RIC1: variants seen among roughly 807,000 people sequenced by gnomAD.
The protein encoded by RIC1 is RIC1 partner of RAB6A GEF complex, also known as guanine nucleotide exchange factor subunit RIC1.
In RIC1, 88 loss-of-function variants were observed where a neutral mutation model predicts 169.0. The observed-to-expected ratio is 0.52, with a 90% CI of 0.44 to 0.62. The LOEUF is 0.62. RIC1 is among the 20% of genes least tolerant of loss of function. The probability of loss-of-function intolerance (pLI) is 0.00; values close to 1 mark genes in which losing one functional copy is unlikely to be tolerated. For missense variants in RIC1, 1,877 were observed against 1,725.5 expected (o/e 1.09, Z -1.56); for synonymous variants, 790 against 601.5 (o/e 1.31, Z -4.59).
chr9:5,732,754 A>T (rs989638293), intron 7 of RIC1, among the ~76,000 whole-genome samples: 2 of 152,246 alleles, frequency 1.3e-5, no homozygotes, highest in African/African-American at 4.8e-5. Context: ...AGAATAAATC[A>T]GTTAAAGTTT....
chr9:5,717,557 C>T (rs947285151), intron 4 of RIC1, among the ~76,000 whole-genome samples: 1 of 152,120 alleles, frequency 6.6e-6, no homozygotes, highest in African/African-American at 2.4e-5. Context: ...AAGTTCAGTT[C>T]TTGCAGGCCA....
chr9:5,734,063 A>ATAAATATATATAATATATATTT lies in RIC1; in HGVS notation c.812+1597_812+1618dup, dbSNP rs1442311715. 8.2e-5 allele frequency among the ~76,000 whole-genome samples: 12 copies of ATAAATATATATAATATATATTT among 147,124 alleles called. No individual in the cohort carries two copies. The South Asian group carries it at 1.0e-3, about 13-fold the overall frequency. On this transcript the variant is annotated intron_variant, in intron 7 of 25. Coordinates refer to ENST00000414202, the MANE Select transcript of RIC1 (RefSeq NM_020829.4). ...TTTTAGATATATATATTTAAATATT[A>ATAAATATATATAATATATATTT]TAAATATATATAATATATATTTTAA...
At chr9:5,756,762 C>G (rs1044224471) in intron 16 of RIC1, among the ~76,000 whole-genome samples, 1 of 152,176 alleles carries the variant, frequency 6.6e-6, no homozygotes, top group African/African-American at 2.4e-5. Context: ...AGCAAACTGA[C>G]TTATATTTCC....
In RIC1 at chr9:5,684,043, C is replaced by T. The variant is rs181364450; in HGVS notation, c.253-5916C>T. ...ACTCGATTTTCCTGGTGCCGTCTGT[C>T]ACCCCTTTCTTTGACTAGGAAAGGG... On this transcript the variant is annotated intron_variant, in intron 2 of 25. Coordinates refer to ENST00000414202, the MANE Select transcript of RIC1 (RefSeq NM_020829.4). Among the ~76,000 whole-genome samples, 58 of 152,262 alleles carry T rather than the reference C, an allele frequency of 3.8e-4. 3 individuals are homozygous for T. Among genetic ancestry groups the T allele is most frequent in the Admixed American group, 3.5e-3 (53 of 15,290 alleles).
chr9:5,714,782 A>G (rs1199119141), intron 4 of RIC1, among the ~76,000 whole-genome samples: 1 of 152,210 alleles, frequency 6.6e-6, no homozygotes, highest in African/African-American at 2.4e-5. Context: ...TTCTGGAAGA[A>G]TACATAAGAA....
rs149490260 is a variant in RIC1, at chr9:5,681,328, T to C, written c.253-8631T>C. Among the ~76,000 whole-genome samples the C allele has an allele frequency of 2.0e-4, 31 of 152,338 alleles. No homozygotes were observed. The East Asian group carries it at 5.2e-3, about 26-fold the overall frequency. On this transcript the variant is annotated intron_variant, in intron 2 of 25. Coordinates refer to ENST00000414202, the MANE Select transcript of RIC1 (RefSeq NM_020829.4). The stretch of plus-strand genomic sequence containing the variant: ...CTATAAAATTCCCTCTACGCACTGC[T>C]TTGAATGTGTCCCAGAGATTCTGGT...
At position 5,770,204 on chromosome 9, in the gene RIC1, A is replaced by C; in HGVS notation, c.3542A>C (p.His1181Pro). ...QSWLSNIGPTHHEIDTASSHG... is the reference protein window; with the variant it reads ...QSWLSNIGPTPHEIDTASSHG... ...TGGCTCAGCAACATTGGCCCCACCCATCATGAGATAGACACAGCTTCATCC... is the reference window on the plus strand; with the variant it reads ...TGGCTCAGCAACATTGGCCCCACCCCTCATGAGATAGACACAGCTTCATCC... The change falls in exon 23 of 26, where the codon CAT becomes CCT. Residue 1181 changes from histidine to proline, a missense_variant. This residue lies in a region of RIC1 where 681 missense variants were observed against 582.0 expected (regional missense o/e 1.17). Transcript: ENST00000414202. 6.2e-7 allele frequency: 1 copy of C among 1,614,062 alleles called. No homozygotes were observed. Among genetic ancestry groups the C allele is most frequent in the East Asian group, 2.2e-5 (1 of 44,876 alleles).
intron 1 of RIC1, among the ~76,000 whole-genome samples, chr9:5,643,029 G>A (rs1210438040): frequency 6.6e-6 from 1 of 152,150 alleles, no homozygotes. Flanking sequence ...TCTGGGCATG[G>A]TGGCTCACAC....
chr9:5,713,577 C>G, intron 3 of RIC1: 1 of 211,874 alleles, frequency 4.7e-6, no homozygotes, highest in South Asian at 8.4e-5. Context: ...AAAGGGCCCT[C>G]AGGAATTTTA....
intron 25 of RIC1, 30 bp from the exon 26 acceptor site, chr9:5,773,928 G>A: frequency 6.5e-7 from 1 of 1,532,170 alleles, no homozygotes; most frequent in Middle Eastern, 1.8e-4. Context: ...AATTATGGCA[G>A]ATGAGCTAAT....
chr9:5,704,141 A>G (rs116149223), intron 3 of RIC1, among the ~76,000 whole-genome samples: 2,239 of 152,038 alleles, frequency 0.015, 57 homozygotes, highest in African/African-American at 0.051. Flanking sequence ...GACATTGAAC[A>G]TACTTTCATT....
rs188824607 is a variant in RIC1, at chr9:5,669,181, G to C, written c.252+12491G>C. Reference sequence around the variant, plus strand: ...TCTCTGTTGCCAGCCAGTCATGTAAGATTTCCTTATCCTACTCCCAAGAGA... The same window carrying C: ...TCTCTGTTGCCAGCCAGTCATGTAACATTTCCTTATCCTACTCCCAAGAGA... On this transcript the variant is annotated intron_variant, in intron 2 of 25. Coordinates refer to ENST00000414202, the MANE Select transcript of RIC1 (RefSeq NM_020829.4). Among the ~76,000 whole-genome samples the C allele has an allele frequency of 2.7e-4, 41 of 152,274 alleles. 1 individual carries two copies. In the East Asian group the frequency reaches 6.9e-3, roughly 26 times the overall value.
chr9:5,633,263 A>G (rs1296835264), intron 1 of RIC1, among the ~76,000 whole-genome samples: 2 of 152,136 alleles, frequency 1.3e-5, no homozygotes, highest in South Asian at 2.1e-4. Context: ...CAGGAAGACC[A>G]TTTTATTTGT....
intron 2 of RIC1, among the ~76,000 whole-genome samples, chr9:5,683,809 G>C (rs546452082): frequency 1.3e-5 from 2 of 152,254 alleles, no homozygotes; most frequent in African/African-American, 2.4e-5. Context: ...TCAACTTCCC[G>C]GCTGCTTTGT....
chr9:5,675,317 A>G (rs1483785529), intron 2 of RIC1, among the ~76,000 whole-genome samples: 1 of 152,202 alleles, frequency 6.6e-6, no homozygotes, highest in Non-Finnish European at 1.5e-5. Flanking sequence ...GGTAATCGGA[A>G]TGAGTCAGGG....
At chr9:5,711,981 A>G (rs199658034) in intron 3 of RIC1, among the ~76,000 whole-genome samples, 63 of 152,156 alleles carry the variant, frequency 4.1e-4, no homozygotes, top group African/African-American at 1.5e-3. Context: ...ATCATTGTTG[A>G]ACATTTGGGT....
chr9:5,770,525 A>G (rs1827137249), intron 23 of RIC1, among the ~76,000 whole-genome samples: 1 of 152,224 alleles, frequency 6.6e-6, no homozygotes, highest in Non-Finnish European at 1.5e-5. Context: ...TTGTAAATCA[A>G]TTTTGATGAT....
At chr9:5,717,287 G>A (rs1478064888) in intron 4 of RIC1, among the ~76,000 whole-genome samples, 1 of 152,058 alleles carries the variant, frequency 6.6e-6, no homozygotes, top group Non-Finnish European at 1.5e-5. Context: ...TCAGATTACT[G>A]GAGGATAACT....
rs550417804 is a variant in RIC1 at position 5,774,149 on chromosome 9, G to C, written c.4175G>C (p.Gly1392Ala). The change falls in exon 26 of 26, where the codon GGA becomes GCA. Residue 1392 changes from glycine (G) to alanine (A), a missense_variant. Gly to Ala is a moderately conservative substitution (Grantham distance 60, BLOSUM62 0). Transcript: ENST00000414202. The part of the protein sequence containing the change: ...SHGSIPQGEV[G>A]SSNMVSRKEE... ...GGAAGCATCCCCCAGGGTGAAGTTG[G>C]AAGCAGCAATATGGTCAGCCGGAAA... The C allele has an allele frequency of 6.2e-7, 1 of 1,614,076 alleles. No individual in the cohort carries two copies. The highest frequency in any genetic ancestry group is 1.7e-5 in the Admixed American group (1 of 59,992).
Sources: allele counts gnomAD v4.1 joint callset (sites outside exome capture counted in the v4.1 genomes callset), GRCh38; gene constraint gnomAD v4.1.1; regional missense constraint gnomAD v4.1.1; transcripts MANE v1.5; gene names NCBI Gene and HGNC (gene_info 2026-07-23, HGNC 2026-07-21).